The following MYO16 variants were observed in gnomAD, a reference collection of about 807,000 sequenced individuals.
MYO16 encodes the protein unconventional myosin-XVI.
A neutral mutation model predicts 205.3 loss-of-function variants in MYO16; 94 were observed. The ratio of observed to expected loss-of-function variants is 0.46; its 90% confidence interval spans 0.39 to 0.54. MYO16 has a LOEUF of 0.54. Among genes scored for constraint, MYO16 ranks in the 20% least tolerant of loss-of-function variants. MYO16 has a pLI of 0.00. For synonymous variants in MYO16, 988 were observed against 954.0 expected (o/e 1.04, Z -0.66); for missense variants, 2,315 against 2,387.5 (o/e 0.97, Z 0.63).
chr13:108,993,246 T>C (rs533767601), intron 21 of MYO16, among the ~76,000 whole-genome samples: 49 of 152,260 alleles, frequency 3.2e-4, no homozygotes, highest in Non-Finnish European at 5.7e-4. Flanking sequence ...GTGTTTGAGA[T>C]GCAAGTCTGT....
At chr13:108,900,457 G>A (rs145161738) in intron 15 of MYO16, among the ~76,000 whole-genome samples, 2,258 of 152,320 alleles carry the variant, frequency 0.015, 16 homozygotes, top group Non-Finnish European at 0.023. Flanking sequence ...ACCAGCTGAA[G>A]CCATGGTGGA....
chr13:108,822,434 C>T (rs1267724992), intron 8 of MYO16, among the ~76,000 whole-genome samples: 2 of 152,086 alleles, frequency 1.3e-5, no homozygotes, highest in Admixed American at 6.6e-5. Context: ...CAGCTGCCTC[C>T]AGTAGGTTCT....
At chr13:108,838,729 C>CTA (rs1188958096) in intron 9 of MYO16, among the ~76,000 whole-genome samples, 3 of 135,584 alleles carry the variant, frequency 2.2e-5, no homozygotes, top group South Asian at 4.8e-4. Context: ...TACACGCACA[C>CTA]TATATATATA....
intron 16 of MYO16, among the ~76,000 whole-genome samples, chr13:108,946,624 T>G (rs77686188): frequency 0.033 from 5,044 of 152,290 alleles, 280 homozygotes; most frequent in African/African-American, 0.12. Context: ...AAATAGGAGT[T>G]ATTAAATATT....
chr13:109,092,729 T>TA (rs542654711), intron 27 of MYO16, among the ~76,000 whole-genome samples: 2 of 152,122 alleles, frequency 1.3e-5, no homozygotes, highest in South Asian at 2.1e-4. Context: ...AAATAAAAGT[T>TA]AAAAAAAGTC....
At chr13:108,847,234 A>G (rs1458582895) in intron 10 of MYO16, among the ~76,000 whole-genome samples, 1 of 152,256 alleles carries the variant, frequency 6.6e-6, no homozygotes, top group Non-Finnish European at 1.5e-5. Flanking sequence ...GTTTTGATGT[A>G]GACTTTTTAT....
intron 33 of MYO16, among the ~76,000 whole-genome samples, chr13:109,175,786 A>T (rs1594160027): frequency 6.6e-6 from 1 of 151,088 alleles, no homozygotes; most frequent in South Asian, 2.1e-4. Context: ...GAAGGCACAG[A>T]TAAAGAGCTC....
At position 108,807,661 on chromosome 13, in the gene MYO16, T is replaced by C. The variant is rs9559418; in HGVS notation, c.867+857T>C. ...TGGTTCAATATATTTGCTCATAATA[T>C]TCCATCATGATGCTTTTAAATTTCT... On this transcript the variant is annotated intron_variant, in intron 7 of 34. Coordinates refer to ENST00000457511, the MANE Select transcript of MYO16 (RefSeq NM_001198950.3). 4.8e-3 allele frequency among the ~76,000 whole-genome samples: 726 copies of C among 152,324 alleles called. 30 individuals carry two copies. The East Asian group carries it at 0.087, about 18-fold the overall frequency.
chr13:108,809,522 C>T (rs1016424347), intron 7 of MYO16, among the ~76,000 whole-genome samples: 9 of 152,152 alleles, frequency 5.9e-5, no homozygotes, highest in African/African-American at 2.2e-4. Context: ...AGGCACATCA[C>T]ACGGTGGAAG....
intron 34 of MYO16, among the ~76,000 whole-genome samples, chr13:109,188,538 G>A (rs1228057461): frequency 1.3e-5 from 2 of 152,102 alleles, no homozygotes; most frequent in Non-Finnish European, 2.9e-5. Context: ...TCTCTAGAGC[G>A]ACAGAACTAA....
intron 4 of MYO16, among the ~76,000 whole-genome samples, chr13:108,768,196 A>G (rs1339392365): frequency 2.0e-5 from 3 of 151,882 alleles, no homozygotes; most frequent in African/African-American, 7.3e-5. Flanking sequence ...ATCTTTTCCT[A>G]CCGCCCCTGG....
intron 12 of MYO16, among the ~76,000 whole-genome samples, chr13:108,876,631 T>C (rs1190587518): frequency 6.6e-6 from 1 of 152,006 alleles, no homozygotes; most frequent in Non-Finnish European, 1.5e-5. Flanking sequence ...ATTTTTTATA[T>C]TTTAATTAAC....
chr13:109,006,885 A>G (rs1284258232), intron 21 of MYO16, among the ~76,000 whole-genome samples: 1 of 152,158 alleles, frequency 6.6e-6, no homozygotes, highest in Non-Finnish European at 1.5e-5. Flanking sequence ...TGGACACTCC[A>G]ATATGAGCAG....
intron 16 of MYO16, 74 bp from the exon 17 acceptor site, chr13:108,957,614 G>A: frequency 1.0e-6 from 1 of 991,830 alleles, no homozygotes; most frequent in Non-Finnish European, 1.6e-6. Flanking sequence ...ATCAAATACG[G>A]CAGAAGTGAC....
At chr13:108,911,724 C>G (rs968293541) in intron 16 of MYO16, among the ~76,000 whole-genome samples, 1 of 152,010 alleles carries the variant, frequency 6.6e-6, no homozygotes, top group Admixed American at 6.6e-5. Context: ...TATGGTATTC[C>G]CAGCTGGAAC....
chr13:108,585,904 A>T, the MYO16 span, among the ~76,000 whole-genome samples: 1 of 152,196 alleles, frequency 6.6e-6, no homozygotes, highest in African/African-American at 2.4e-5. Flanking sequence ...AAGAAATTGA[A>T]GGATGGAGAA....
Position 108,636,538 on chromosome 13 carries a change from C to A in MYO16, c.28+6666C>A, listed in dbSNP as rs994430678. 4.0e-4 allele frequency among the ~76,000 whole-genome samples: 60 copies of A among 151,840 alleles called. 1 individual carries two copies. Among genetic ancestry groups the A allele is most frequent in the Non-Finnish European group, 5.9e-4 (40 of 67,976 alleles). On this transcript the variant is annotated intron_variant, in intron 1 of 34. Coordinates refer to ENST00000457511, the MANE Select transcript of MYO16 (RefSeq NM_001198950.3). ...GGGACTACAAGTGCATACCACAACA[C>A]CGAGCTAATTTTTGTATTTTTAGTA...
intron 23 of MYO16, among the ~76,000 whole-genome samples, chr13:109,027,447 C>G (rs1253583272): frequency 6.6e-6 from 1 of 152,166 alleles, no homozygotes; most frequent in Non-Finnish European, 1.5e-5. Context: ...CCCCCAAGTT[C>G]ACTGTGCTTT....
the MYO16 span, among the ~76,000 whole-genome samples, chr13:108,537,161 A>T: frequency 6.6e-6 from 1 of 152,010 alleles, no homozygotes; most frequent in Non-Finnish European, 1.5e-5. Context: ...CCACCTCTGC[A>T]TTTTGGAGTT....
Sources: gnomAD v4.1 joint callset for allele counts (sites outside exome capture counted in the v4.1 genomes callset) on GRCh38, gnomAD v4.1.1 for gene constraint, MANE v1.5 for transcripts, NCBI Gene and HGNC (gene_info 2026-07-23, HGNC 2026-07-21) for gene names.